The following CD247 variants were observed in gnomAD, a reference collection of about 807,000 sequenced individuals.
CD247 encodes the protein CD247 molecule, also known as T-cell surface glycoprotein CD3 zeta chain.
A neutral mutation model predicts 30.0 loss-of-function variants in CD247; 13 were observed. The ratio of observed to expected loss-of-function variants is 0.43; its 90% CI spans 0.28 to 0.69. The LOEUF (loss-of-function observed/expected upper bound fraction) is 0.69, where lower values mean the gene tolerates loss of function less well. Among genes scored for constraint, CD247 ranks in the 30% least tolerant of loss-of-function variants. CD247 has a pLI of 0.16. For missense variants in CD247, 193 were observed against 212.6 expected, an observed-to-expected ratio of 0.91 and a Z score of 0.57; for synonymous variants, 72 against 80.0, an observed-to-expected ratio of 0.90 and a Z score of 0.53.
At chr1:167,511,631 T>G (rs563527898) in intron 1 of CD247, among the ~76,000 whole-genome samples, 9 of 152,302 alleles carry the variant, frequency 5.9e-5, no homozygotes, top group Admixed American at 5.9e-4. Flanking sequence ...AATAATTATT[T>G]TTTACTGTAA....
chr1:167,494,773 T>C lies in CD247; in HGVS notation c.58+23635A>G, dbSNP rs1303924924. Among the ~76,000 whole-genome samples, 1 of 152,170 alleles carries C rather than the reference T, an allele frequency of 6.6e-6. No homozygotes were observed. The highest frequency in any genetic ancestry group is 1.5e-5 in the Non-Finnish European group (1 of 68,032). ...ATGTTTATTAAAGAATGTGAAGGTC[T>C]CATCAAAAACCAAGCATGAGAGGCA... On this transcript the variant is annotated intron_variant, in intron 1 of 7. Coordinates refer to ENST00000362089, the MANE Select transcript of CD247 (RefSeq NM_198053.3). The surrounding 1 kb of genome is among the most constrained non-coding windows in gnomAD (Gnocchi z 7.3).
chr1:167,453,068 A>G (rs1189802780), intron 1 of CD247, among the ~76,000 whole-genome samples: 3 of 68,880 alleles, frequency 4.4e-5, no homozygotes, highest in African/African-American at 1.1e-4. Flanking sequence ...ATACAGAGAG[A>G]AAGACACTTA....
At chr1:167,437,141 G>A (rs757907023) in intron 4 of CD247, among the ~76,000 whole-genome samples, 5 of 152,082 alleles carry the variant, frequency 3.3e-5, no homozygotes, top group Non-Finnish European at 7.4e-5. Flanking sequence ...GGTGGCTCAC[G>A]CCTGGAATCG....
rs529488576 is a variant in CD247, at chr1:167,455,953, G to A, written c.59-15186C>T. Reference sequence around the variant, plus strand: ...TGGCAAGACTGGGAGGGCCGGCGCTGCCTCCTTGGGAAGCCCCGGAGAGAC... The same window carrying A: ...TGGCAAGACTGGGAGGGCCGGCGCTACCTCCTTGGGAAGCCCCGGAGAGAC... On this transcript the variant is annotated intron_variant, in intron 1 of 7. Transcript: ENST00000362089. Among the ~76,000 whole-genome samples, 772 of 152,152 alleles carry A rather than the reference G, an allele frequency of 5.1e-3. 3 individuals are homozygous for A. Among genetic ancestry groups the A allele is most frequent in the Non-Finnish European group, 7.5e-3 (510 of 68,006 alleles).
chr1:167,485,233 G>T (rs1170834485), intron 1 of CD247, among the ~76,000 whole-genome samples: 1 of 152,194 alleles, frequency 6.6e-6, no homozygotes, highest in African/African-American at 2.4e-5. Context: ...AAGGGAGCTT[G>T]CAGGGAGAGC....
At chr1:167,480,437 C>T (rs1045874244) in intron 1 of CD247, among the ~76,000 whole-genome samples, 2 of 152,156 alleles carry the variant, frequency 1.3e-5, no homozygotes, top group Non-Finnish European at 2.9e-5. Flanking sequence ...GTCTCCTGTC[C>T]CCAACCTGCC....
Position 167,430,834 on chromosome 1 carries a change from C to T in CD247, c.*847G>A, listed in dbSNP as rs1212903613. On this transcript the variant is annotated 3_prime_UTR_variant, in exon 8 of 8. Coordinates refer to ENST00000362089, the MANE Select transcript of CD247 (RefSeq NM_198053.3). The stretch of plus-strand genomic sequence containing the variant: ...ACTGTCCGCTGGGCAGTTATAGGTC[C>T]CATGTGTTGGGTCTTCCTGCGAGGC... 1.3e-5 allele frequency: 5 copies of T among 398,784 alleles called. No homozygotes were observed. The highest frequency in any genetic ancestry group is 2.2e-5 in the Non-Finnish European group (5 of 226,180). The allele number at this position is 398,784 out of a possible 1,614,324, so 24.7% of individuals were successfully genotyped here. A position where few individuals can be genotyped will look rare whatever the true frequency, so the allele number is the denominator to read the frequency against.
chr1:167,504,001 C>T (rs536430176), intron 1 of CD247, among the ~76,000 whole-genome samples: 11 of 152,286 alleles, frequency 7.2e-5, no homozygotes, highest in African/African-American at 2.6e-4. Flanking sequence ...GGCAGACAAA[C>T]CTCAACTCCT....
chr1:167,517,658 A>G (rs911024774), intron 1 of CD247, among the ~76,000 whole-genome samples: 2 of 152,190 alleles, frequency 1.3e-5, no homozygotes, highest in African/African-American at 4.8e-5. Flanking sequence ...GTGTTCTGTC[A>G]ATGCCGGGCC....
Position 167,431,544 on chromosome 1 carries a change from T to C in CD247, c.*137A>G, listed in dbSNP as rs1233238817. 3 of 811,332 alleles carry C rather than the reference T, an allele frequency of 3.7e-6. No homozygotes were observed. Among genetic ancestry groups the C allele is most frequent in the Non-Finnish European group, 6.6e-6 (3 of 453,504 alleles). The allele number at this position is 811,332 out of a possible 1,614,324, so 50.3% of individuals were successfully genotyped here. ...GTGTGTGAAGGTTTGGAGCTAAATA[T>C]AACCAAAGCATCCTGTACATAAAGG... On this transcript the variant is annotated 3_prime_UTR_variant, in exon 8 of 8. Coordinates refer to ENST00000362089, the MANE Select transcript of CD247 (RefSeq NM_198053.3).
intron 6 of CD247, among the ~76,000 whole-genome samples, chr1:167,433,272 G>C (rs903449454): frequency 6.6e-6 from 1 of 152,124 alleles, no homozygotes; most frequent in African/African-American, 2.4e-5. Context: ...ATGGGGCTTG[G>C]GTTTGCTCCA....
intron 4 of CD247, among the ~76,000 whole-genome samples, chr1:167,436,828 AAT>A (rs1651563668): frequency 6.6e-6 from 1 of 152,176 alleles, no homozygotes; most frequent in Admixed American, 6.5e-5. Flanking sequence ...AAAAGACAAC[AAT>A]AGTTGGCAAG....
At chr1:167,514,692 G>A (rs1009778773) in intron 1 of CD247, among the ~76,000 whole-genome samples, 7 of 152,086 alleles carry the variant, frequency 4.6e-5, no homozygotes, top group African/African-American at 1.2e-4. Context: ...AGCCTTGGCC[G>A]AAGCAGAGCT....
chr1:167,492,350 C>T (rs565886492), intron 1 of CD247, among the ~76,000 whole-genome samples: 9 of 152,226 alleles, frequency 5.9e-5, no homozygotes, highest in Non-Finnish European at 8.8e-5. Flanking sequence ...TTAACCCCTG[C>T]GGCGCCAACT....
At chr1:167,480,427 G>A (rs915700741) in intron 1 of CD247, among the ~76,000 whole-genome samples, 18 of 152,142 alleles carry the variant, frequency 1.2e-4, no homozygotes, top group African/African-American at 9.7e-5. Flanking sequence ...TCTTAAGAAC[G>A]TCTCCTGTCC....
intron 1 of CD247, among the ~76,000 whole-genome samples, chr1:167,501,998 C>T (rs942866430): frequency 5.9e-5 from 9 of 152,204 alleles, no homozygotes; most frequent in African/African-American, 1.7e-4. Flanking sequence ...CCGGTGCTCC[C>T]GAGATGGGAG....
chr1:167,479,839 C>G (rs1653900781), intron 1 of CD247, among the ~76,000 whole-genome samples: 1 of 152,192 alleles, frequency 6.6e-6, no homozygotes, highest in South Asian at 2.1e-4. Flanking sequence ...TCTGCAAACG[C>G]CAGTTCTTTG....
intron 1 of CD247, among the ~76,000 whole-genome samples, chr1:167,509,788 C>T (rs1459317210): frequency 2.0e-5 from 3 of 152,116 alleles, no homozygotes; most frequent in Non-Finnish European, 4.4e-5. Context: ...TACATCTGGG[C>T]TTAGAATTAA....
chr1:167,490,442 G>A (rs1267197885), intron 1 of CD247, among the ~76,000 whole-genome samples: 1 of 151,766 alleles, frequency 6.6e-6, no homozygotes, highest in African/African-American at 2.4e-5. Flanking sequence ...GGCCAACATG[G>A]TGAAACCCCA....
Sources: gnomAD v4.1 joint callset for allele counts (sites outside exome capture counted in the v4.1 genomes callset) on GRCh38, gnomAD v4.1.1 for gene constraint, Gnocchi (gnomAD v3.1) non-coding constraint, MANE v1.5 for transcripts, NCBI Gene and HGNC (gene_info 2026-07-23, HGNC 2026-07-21) for gene names.